Variants in CRYBG3 observed in about 807,000 individuals in gnomAD.
The protein encoded by CRYBG3 is very large A-kinase anchor protein.
CRYBG3 carries 127 observed loss-of-function variants against 244.2 expected under a neutral mutation model. The observed-to-expected ratio is 0.52, with a 90% CI of 0.45 to 0.60. The LOEUF (loss-of-function observed/expected upper bound fraction) is 0.60. Ranked by LOEUF, CRYBG3 falls within the 20% of genes least tolerant of loss-of-function variation. The probability of loss-of-function intolerance (pLI) is 0.00; values close to 1 mark genes in which losing one functional copy is unlikely to be tolerated. For missense variants in CRYBG3, 3,325 were observed against 3,442.5 expected (o/e 0.97, Z 0.85); for synonymous variants, 1,132 against 1,195.8 (o/e 0.95, Z 1.10).
chr3:97,872,435 T>C lies in CRYBG3; in HGVS notation c.1241T>C (p.Val414Ala). Residue 414 changes from valine (V) to alanine (A), a missense_variant, in exon 4 of 22, where the codon GTG becomes GCG. Val to Ala is a moderately conservative substitution (Grantham distance 64). Coordinates refer to ENST00000389622, the MANE Select transcript of CRYBG3 (RefSeq NM_153605.4). ...AATACGATAAAAGAAAACAGCACTGTGATGAGTAATAGGACATTGGTGCAA... is the reference window on the plus strand; with the variant it reads ...AATACGATAAAAGAAAACAGCACTGCGATGAGTAATAGGACATTGGTGCAA... ...TENTIKENST[V>A]MSNRTLVQRE... 1.0e-5 allele frequency: 16 copies of C among 1,535,960 alleles called. No individual in the cohort carries two copies. The highest frequency in any genetic ancestry group is 1.4e-5 in the Non-Finnish European group (16 of 1,146,810).
chr3:97,889,567 G>A (rs191663069), intron 10 of CRYBG3, among the ~76,000 whole-genome samples, 177 bp downstream of exon 10: 1 of 152,256 alleles, frequency 6.6e-6, no homozygotes, highest in Admixed American at 6.5e-5. Context: ...CAACCCTATG[G>A]CTGTGAATGG....
At chr3:97,842,629 G>A (rs2038837544) in intron 1 of CRYBG3, among the ~76,000 whole-genome samples, 1 of 152,122 alleles carries the variant, frequency 6.6e-6, no homozygotes, top group Non-Finnish European at 1.5e-5. Flanking sequence ...ATCTGAGGAG[G>A]TATTCCAGAC....
At chr3:97,860,244 T>C (rs1259792537) in intron 2 of CRYBG3, among the ~76,000 whole-genome samples, 1 of 152,174 alleles carries the variant, frequency 6.6e-6, no homozygotes, top group Non-Finnish European at 1.5e-5. Flanking sequence ...GCACCTCTTA[T>C]TATCAGGCAT....
Position 97,864,459 on chromosome 3 carries a change from G to C in CRYBG3, c.459G>C (p.Glu153Asp). The C allele has an allele frequency of 2.0e-6, 3 of 1,535,912 alleles. No individual in the cohort carries two copies. Among genetic ancestry groups the C allele is most frequent in the Non-Finnish European group, 2.6e-6 (3 of 1,146,792 alleles). ...TCAAAGATGACCAGGATAAAACTGA[G>C]AAGGATTTACAAAATCCCAGTGACC... ...SSFKDDQDKT[E>D]KDLQNPSDHH... The change falls in exon 3 of 22, where the codon GAG becomes GAC. Residue 153 changes from glutamate (E) to aspartate (D), a missense_variant. Coordinates refer to ENST00000389622, the MANE Select transcript of CRYBG3 (RefSeq NM_153605.4).
intron 16 of CRYBG3, among the ~76,000 whole-genome samples, 174 bp downstream of exon 16, chr3:97,912,450 G>A (rs2039883833): frequency 6.6e-6 from 1 of 152,076 alleles, no homozygotes; most frequent in South Asian, 2.1e-4. Context: ...AGCTGTGATG[G>A]AATACAGAAA....
chr3:97,843,496 A>G (rs1378479034), intron 2 of CRYBG3, among the ~76,000 whole-genome samples: 1 of 152,152 alleles, frequency 6.6e-6, no homozygotes, highest in Non-Finnish European at 1.5e-5. Context: ...TGGCTTTGCC[A>G]CTAACCCAAC....
chr3:97,895,858 A>G, intron 11 of CRYBG3, 101 bp from the exon 12 acceptor site: 1 of 1,010,730 alleles, frequency 9.9e-7, no homozygotes, highest in South Asian at 1.7e-5. Flanking sequence ...TTTTTACAAT[A>G]TGGAGATGAA....
intron 15 of CRYBG3, among the ~76,000 whole-genome samples, chr3:97,903,650 A>T (rs2108242805): frequency 6.6e-6 from 1 of 152,236 alleles, no homozygotes; most frequent in East Asian, 1.9e-4. Context: ...TAATGCTGAT[A>T]TTGTAGAATA....
At chr3:97,870,815 AT>A (rs2108211573) in intron 3 of CRYBG3, among the ~76,000 whole-genome samples, 1 of 152,328 alleles carries the variant, frequency 6.6e-6, no homozygotes, top group African/African-American at 2.4e-5. Context: ...AAACAGAAAG[AT>A]GATTAGGACA....
At chr3:97,910,339 C>T (rs992617048) in intron 15 of CRYBG3, among the ~76,000 whole-genome samples, 1 of 152,228 alleles carries the variant, frequency 6.6e-6, no homozygotes, top group Non-Finnish European at 1.5e-5. Flanking sequence ...GGGCACCCCT[C>T]CCCCAGCCTG....
intron 19 of CRYBG3, among the ~76,000 whole-genome samples, chr3:97,937,573 C>A (rs1281262720): frequency 6.6e-6 from 1 of 152,056 alleles, no homozygotes; most frequent in African/African-American, 2.4e-5. Context: ...CCTTCTCTCC[C>A]AATCTACATT....
At chr3:97,871,273 G>T (rs887847847) in intron 3 of CRYBG3, among the ~76,000 whole-genome samples, 28 of 152,192 alleles carry the variant, frequency 1.8e-4, no homozygotes, top group African/African-American at 6.3e-4. Context: ...TTTTAATGCA[G>T]TTTTGTCATT....
chr3:97,921,468 C>CT (rs34543135), intron 17 of CRYBG3, among the ~76,000 whole-genome samples: 69,915 of 151,900 alleles, frequency 0.46, 16,865 homozygotes, highest in East Asian at 0.67. Context: ...TCATTCATGC[C>CT]TAAAAATATA....
chr3:97,851,776 G>T (rs1012268638), intron 2 of CRYBG3, among the ~76,000 whole-genome samples: 4 of 152,278 alleles, frequency 2.6e-5, no homozygotes, highest in Admixed American at 1.3e-4. Context: ...ATTTTATCCT[G>T]ATGGCAATGC....
chr3:97,892,014 C>T (rs760161665), intron 10 of CRYBG3, among the ~76,000 whole-genome samples: 1 of 152,166 alleles, frequency 6.6e-6, no homozygotes, highest in Admixed American at 6.5e-5. Context: ...TTTGCTTTGA[C>T]GGGATCACTT....
chr3:97,912,204 G>A lies in CRYBG3; in HGVS notation c.8042G>A (p.Cys2681Tyr), dbSNP rs1369671073. 1.2e-6 allele frequency: 2 copies of A among 1,606,658 alleles called. No individual in the cohort carries two copies. The highest frequency in any genetic ancestry group is 1.7e-6 in the Non-Finnish European group (2 of 1,176,520). The part of the protein sequence containing the change: ...AFSKPGFQGE[C>Y]IDFTEETSDL... The stretch of plus-strand genomic sequence containing the variant: ...AGCAAACCAGGGTTCCAAGGTGAAT[G>A]TATAGATTTTACAGAAGAAACTTCT... Residue 2681 changes from cysteine (C) to tyrosine (Y), a missense_variant, in exon 16 of 22, where the codon TGT becomes TAT. Cys to Tyr is a radical substitution (Grantham distance 194, BLOSUM62 -2). This residue lies in a region of CRYBG3 where 714 missense variants were observed against 803.6 expected (regional missense o/e 0.89). Coordinates refer to ENST00000389622, the MANE Select transcript of CRYBG3 (RefSeq NM_153605.4).
rs1217036557 is a variant in CRYBG3, at chr3:97,873,581, T to C, written c.2387T>C (p.Ile796Thr). The C allele has an allele frequency of 2.6e-6, 4 of 1,535,134 alleles. No homozygotes were observed. Among genetic ancestry groups the C allele is most frequent in the East Asian group, 4.9e-5 (2 of 40,910 alleles). The stretch of plus-strand genomic sequence containing the variant: ...TCAAACACTAAAGCAAATATGAGCA[T>C]AATAGAGAAGTCTGATTCTCTTTCC... ...VSSNTKANMS[I>T]IEKSDSLSLE... The change falls in exon 4 of 22, where the codon ATA becomes ACA. Residue 796 changes from isoleucine to threonine, a missense_variant. Ile to Thr is a moderately conservative substitution (Grantham distance 89, BLOSUM62 -1). This residue lies in a region of CRYBG3 where 1,526 missense variants were observed against 1,443.2 expected (regional missense o/e 1.06). Coordinates refer to ENST00000389622, the MANE Select transcript of CRYBG3 (RefSeq NM_153605.4).
chr3:97,841,344 A>G (rs1476915277), intron 1 of CRYBG3, among the ~76,000 whole-genome samples: 3 of 150,824 alleles, frequency 2.0e-5, no homozygotes, highest in South Asian at 2.1e-4. Context: ...ATATATGCAT[A>G]TATATATGTA....
Position 97,911,939 on chromosome 3 carries a change from G to C in CRYBG3, c.8005-228G>C, listed in dbSNP as rs571680971. 4.6e-5 allele frequency among the ~76,000 whole-genome samples: 7 copies of C among 152,222 alleles called. No individual in the cohort carries two copies. In the East Asian group the frequency reaches 1.3e-3, roughly 29 times the overall value. On this transcript the variant is annotated intron_variant, in intron 15 of 21. Coordinates refer to ENST00000389622, the MANE Select transcript of CRYBG3 (RefSeq NM_153605.4). The stretch of plus-strand genomic sequence containing the variant: ...CTTCCCACAATTTGGTGGAAGAGAG[G>C]CAAGAAAATGGTAAACAAACAGTGA...
Sources: gnomAD v4.1 joint callset for allele counts (sites outside exome capture counted in the v4.1 genomes callset) on GRCh38, gnomAD v4.1.1 for gene constraint, gnomAD v4.1.1 regional missense constraint, MANE v1.5 for transcripts, NCBI Gene and HGNC (gene_info 2026-07-23, HGNC 2026-07-21) for gene names.